Variants in STXBP5 observed in about 807,000 individuals in gnomAD.
STXBP5 encodes syntaxin-binding protein 5.
In STXBP5, 50 loss-of-function variants were observed where a neutral mutation model predicts 152.4. That is an observed-to-expected ratio of 0.33 (90% CI 0.26 to 0.42). STXBP5 has a LOEUF of 0.42. STXBP5 is among the 10% of genes least tolerant of loss of function. STXBP5 has a pLI of 1.00. For missense variants in STXBP5, 1,167 were observed against 1,388.6 expected (o/e 0.84, Z 2.54); for synonymous variants, 492 against 494.7 (o/e 0.99, Z 0.07).
chr6:147,322,762 CAGT>C (rs1783001558), intron 16 of STXBP5, among the ~76,000 whole-genome samples: 1 of 152,218 alleles, frequency 6.6e-6, no homozygotes, highest in Non-Finnish European at 1.5e-5. Context: ...ACAATAAAAG[CAGT>C]CACACACTAA....
chr6:147,228,919 T>C lies in STXBP5; in HGVS notation c.249-6331T>C, dbSNP rs376693783. Reference sequence around the variant, plus strand: ...ATTTTTCTTGGGACTTTTACTTACATGTATTTCTAAGACCATACTATTCTT... The same window carrying C: ...ATTTTTCTTGGGACTTTTACTTACACGTATTTCTAAGACCATACTATTCTT... On this transcript the variant is annotated intron_variant, in intron 2 of 27. Coordinates refer to ENST00000321680, the MANE Select transcript of STXBP5 (RefSeq NM_001127715.4). Among the ~76,000 whole-genome samples the C allele has an allele frequency of 3.3e-5, 5 of 152,272 alleles. No homozygotes were observed. In the East Asian group the frequency reaches 5.8e-4, roughly 18 times the overall value.
intron 21 of STXBP5, among the ~76,000 whole-genome samples, chr6:147,339,924 A>G (rs1784015726): frequency 2.0e-5 from 3 of 152,092 alleles, no homozygotes; most frequent in Admixed American, 2.0e-4. Flanking sequence ...TTTTGTGAAT[A>G]TATGTTGAGA....
At chr6:147,272,617 A>G (rs1019469022) in intron 7 of STXBP5, among the ~76,000 whole-genome samples, 2 of 152,180 alleles carry the variant, frequency 1.3e-5, no homozygotes. Context: ...GATTTTGACA[A>G]AATACTACCT....
intron 3 of STXBP5, among the ~76,000 whole-genome samples, chr6:147,237,705 T>C (rs1392828475): frequency 6.6e-6 from 1 of 152,210 alleles, no homozygotes; most frequent in Non-Finnish European, 1.5e-5. Flanking sequence ...GTAGCCCTCA[T>C]AGAATTTTGA....
chr6:147,357,747 G>A (rs1156609929), intron 22 of STXBP5, among the ~76,000 whole-genome samples: 1 of 152,088 alleles, frequency 6.6e-6, no homozygotes, highest in African/African-American at 2.4e-5. Context: ...AAATGAAAAG[G>A]AGAAACCCAA....
intron 18 of STXBP5, among the ~76,000 whole-genome samples, chr6:147,331,805 TAAAAAA>T (rs758010688): frequency 1.3e-4 from 15 of 115,412 alleles, no homozygotes; most frequent in Admixed American, 2.8e-4. Context: ...TTCTACCAGT[TAAAAAA>T]AAAAAAAAAA....
chr6:147,232,992 A>C (rs1778078933), intron 2 of STXBP5, among the ~76,000 whole-genome samples: 1 of 151,810 alleles, frequency 6.6e-6, no homozygotes, highest in Admixed American at 6.6e-5. Flanking sequence ...TACTTCTTAG[A>C]AGGCTCAAAT....
At chr6:147,361,478 T>C (rs1785062960) in intron 23 of STXBP5, among the ~76,000 whole-genome samples, 1 of 152,156 alleles carries the variant, frequency 6.6e-6, no homozygotes, top group African/African-American at 2.4e-5. Flanking sequence ...TTTAAAAATA[T>C]ATCAGTGACA....
chr6:147,299,533 T>G (rs1029183837), intron 9 of STXBP5, among the ~76,000 whole-genome samples: 2 of 152,006 alleles, frequency 1.3e-5, no homozygotes, highest in African/African-American at 4.8e-5. Context: ...TTACCAATAC[T>G]AATTCCTGAA....
chr6:147,263,630 G>A (rs1037233853), intron 6 of STXBP5, among the ~76,000 whole-genome samples: 1 of 151,872 alleles, frequency 6.6e-6, no homozygotes, highest in Non-Finnish European at 1.5e-5. Context: ...CCTGAATGTT[G>A]TGCTGAAGCA....
intron 7 of STXBP5, among the ~76,000 whole-genome samples, chr6:147,270,956 A>G (rs1023356944): frequency 6.6e-6 from 1 of 152,152 alleles, no homozygotes; most frequent in Non-Finnish European, 1.5e-5. Context: ...GTAAATCCTA[A>G]AGGAAATACC....
chr6:147,238,183 G>A (rs1778371044), intron 3 of STXBP5, among the ~76,000 whole-genome samples: 2 of 152,136 alleles, frequency 1.3e-5, no homozygotes, highest in African/African-American at 4.8e-5. Flanking sequence ...TCTGGAGGCT[G>A]GGAAGTCTAA....
intron 8 of STXBP5, among the ~76,000 whole-genome samples, chr6:147,290,867 T>C (rs533162159): frequency 2.5e-3 from 381 of 152,264 alleles, no homozygotes; most frequent in African/African-American, 8.6e-3. Flanking sequence ...ATAAATGTTC[T>C]TACTAAGTTA....
intron 4 of STXBP5, among the ~76,000 whole-genome samples, chr6:147,241,731 A>G (rs568608253): frequency 1.3e-5 from 2 of 152,230 alleles, no homozygotes; most frequent in Admixed American, 6.5e-5. Flanking sequence ...ACATCATAGC[A>G]TCTTATAGAT....
intron 2 of STXBP5, among the ~76,000 whole-genome samples, chr6:147,210,248 A>G (rs1776778268): frequency 6.6e-6 from 1 of 152,224 alleles, no homozygotes; most frequent in East Asian, 1.9e-4. Context: ...TTACAAGCGA[A>G]GTGAAAAACT....
intron 4 of STXBP5, among the ~76,000 whole-genome samples, chr6:147,251,643 A>G (rs1452567508): frequency 6.6e-6 from 1 of 152,196 alleles, no homozygotes; most frequent in Non-Finnish European, 1.5e-5. Context: ...ACTTGGAGAA[A>G]GGGGCAGCTG....
chr6:147,334,368 A>G, intron 19 of STXBP5, 146 bp downstream of exon 19: 1 of 628,020 alleles, frequency 1.6e-6, no homozygotes, highest in Middle Eastern at 4.4e-4. Flanking sequence ...TCTTAACTGC[A>G]TTCTTTGAAT....
At chr6:147,378,423 A>G (rs888339210) in intron 26 of STXBP5, among the ~76,000 whole-genome samples, 11 of 151,800 alleles carry the variant, frequency 7.2e-5, no homozygotes, top group Non-Finnish European at 1.5e-4. Context: ...AAAAAAAAAA[A>G]AAAAATTCTT....
intron 9 of STXBP5, among the ~76,000 whole-genome samples, chr6:147,298,052 A>T (rs896763360): frequency 1.3e-5 from 2 of 152,070 alleles, no homozygotes; most frequent in Admixed American, 1.3e-4. Flanking sequence ...TCCCAATTAT[A>T]AGAGATATAG....
Sources: gnomAD v4.1 joint callset for allele counts (sites outside exome capture counted in the v4.1 genomes callset) on GRCh38, gnomAD v4.1.1 for gene constraint, MANE v1.5 for transcripts, NCBI Gene and HGNC (gene_info 2026-07-23, HGNC 2026-07-21) for gene names.